The following MOV10L1 variants were observed in gnomAD, a reference collection of about 807,000 sequenced individuals.
MOV10L1 encodes the protein Mov10 like RNA helicase 1.
MOV10L1 carries 110 observed loss-of-function variants against 143.8 expected under a neutral mutation model. The ratio of observed to expected loss-of-function variants is 0.76; its 90% CI spans 0.66 to 0.90. The LOEUF (loss-of-function observed/expected upper bound fraction) is 0.90. Ranked by LOEUF, MOV10L1 falls within the 40% of genes least tolerant of loss-of-function variation. MOV10L1 has a pLI of 0.00. For synonymous variants in MOV10L1, 593 were observed against 581.1 expected, an observed-to-expected ratio of 1.02 and a Z score of -0.29; for missense variants, 1,406 against 1,526.8, an observed-to-expected ratio of 0.92 and a Z score of 1.32.
intron 5 of MOV10L1, among the ~76,000 whole-genome samples, chr22:50,111,572 C>G (rs2062022842): frequency 7.3e-6 from 1 of 137,006 alleles, no homozygotes; most frequent in Non-Finnish European, 1.5e-5. Context: ...GGCGCGATCT[C>G]TGCTCACTGC....
At chr22:50,090,490 T>C in intron 1 of MOV10L1, 1 of 1,610,446 alleles carries the variant, frequency 6.2e-7, no homozygotes, top group Non-Finnish European at 8.5e-7. Context: ...CGTTCCTCCC[T>C]GTCCGCAGCG....
intron 10 of MOV10L1, among the ~76,000 whole-genome samples, chr22:50,125,154 C>T (rs988318747): frequency 1.5e-4 from 23 of 152,188 alleles, no homozygotes; most frequent in African/African-American, 5.6e-4. Context: ...GGGAGGGACA[C>T]CGCCAGCTGG....
Position 50,152,101 on chromosome 22 carries a change from A to T in MOV10L1, c.2893-944A>T, listed in dbSNP as rs1260237595. Among the ~76,000 whole-genome samples, 3 of 152,188 alleles carry T rather than the reference A, an allele frequency of 2.0e-5. No individual in the cohort carries two copies. Among genetic ancestry groups the T allele is most frequent in the African/African-American group, 7.2e-5 (3 of 41,464 alleles). On this transcript the variant is annotated intron_variant, in intron 21 of 26. Transcript: ENST00000262794. The surrounding 1 kb of genome is among the most constrained non-coding windows in gnomAD (Gnocchi z 4.4). Reference sequence around the variant, plus strand: ...AGAGTCGGGAGGACTCACGGGGCCAATCATGGCGTTCTCGTGCCAGTGTCA... The same window carrying T: ...AGAGTCGGGAGGACTCACGGGGCCATTCATGGCGTTCTCGTGCCAGTGTCA...
At chr22:50,098,130 C>G (rs2062636557) in intron 2 of MOV10L1, among the ~76,000 whole-genome samples, 2 of 148,990 alleles carry the variant, frequency 1.3e-5, no homozygotes, top group African/African-American at 5.0e-5. Flanking sequence ...AGCTACCACA[C>G]CCAACCTGAA....
At chr22:50,147,094 T>C (rs758441134) in intron 19 of MOV10L1, 1 of 1,568,312 alleles carries the variant, frequency 6.4e-7, no homozygotes, top group Non-Finnish European at 8.6e-7. Flanking sequence ...TGCAGAGGGC[T>C]CTTTGGGGGC....
At chr22:50,121,913 C>T (rs567105393) in intron 10 of MOV10L1, among the ~76,000 whole-genome samples, 27 of 152,286 alleles carry the variant, frequency 1.8e-4, no homozygotes, top group African/African-American at 5.5e-4. Context: ...ATCTTTTATA[C>T]GAATTTTAAG....
intron 2 of MOV10L1, chr22:50,095,702 A>C (rs1194038128): frequency 6.6e-6 from 1 of 151,918 alleles, no homozygotes; most frequent in Non-Finnish European, 1.5e-5. Context: ...CAGAAATGTG[A>C]CAATGTGGAA....
intron 22 of MOV10L1, 140 bp from the exon 23 acceptor site, chr22:50,157,917 A>G: frequency 2.0e-6 from 2 of 994,704 alleles, no homozygotes; most frequent in Middle Eastern, 2.9e-4. Context: ...TGCCCTGCTC[A>G]CATGTAAGTT....
chr22:50,092,429 A>G (rs1241591276), intron 2 of MOV10L1, among the ~76,000 whole-genome samples: 5 of 152,118 alleles, frequency 3.3e-5, no homozygotes, highest in African/African-American at 1.2e-4. Flanking sequence ...TCAGGTGTTA[A>G]GAGACCAGCC....
rs541113790 is a variant in MOV10L1, at chr22:50,099,646, T to A, written c.442+44T>A. The A allele has an allele frequency of 1.9e-6, 3 of 1,575,666 alleles. No homozygotes were observed. In the East Asian group the frequency reaches 6.8e-5, roughly 36 times the overall value. On this transcript the variant is annotated intron_variant, in intron 3 of 26. Transcript: ENST00000262794. ...GTTCCACATTGAAAATTAGGTTTTGTCTTTTAAAGAATTGTTATGGACCAG... is the reference window on the plus strand; with the variant it reads ...GTTCCACATTGAAAATTAGGTTTTGACTTTTAAAGAATTGTTATGGACCAG...
chr22:50,128,786 G>A (rs987606548), intron 13 of MOV10L1, among the ~76,000 whole-genome samples: 2 of 151,024 alleles, frequency 1.3e-5, no homozygotes, highest in Non-Finnish European at 1.5e-5. Context: ...CTTGTGATAC[G>A]CTTGCCTTGG....
At chr22:50,148,058 G>C (rs986968909) in intron 19 of MOV10L1, among the ~76,000 whole-genome samples, 13 of 152,248 alleles carry the variant, frequency 8.5e-5, no homozygotes, top group African/African-American at 2.9e-4. Context: ...AGAGGTGATG[G>C]ATTTGCCCAG....
chr22:50,157,907 T>A, intron 22 of MOV10L1, 150 bp from the exon 23 acceptor site: 1 of 905,042 alleles, frequency 1.1e-6, no homozygotes, highest in Non-Finnish European at 1.7e-6. Flanking sequence ...ATATGCCATC[T>A]GCCCTGCTCA....
At position 50,108,683 on chromosome 22, in the gene MOV10L1, G is replaced by A; in HGVS notation, c.582G>A (p.Arg194=). ...TCTGCATCTCTAGCCTCTGTGGAAG[G>A]AACGGGGTGTTAGAGGAAAGCATCT... is the stretch of plus-strand genomic sequence containing the variant. ...DKVCISSLCG[R]NGVLEESIFF... The change falls in exon 5 of 27, where the codon AGG becomes AGA. Residue 194 remains arginine (R), a synonymous_variant. Transcript: ENST00000262794. 7 of 1,614,202 alleles carry A rather than the reference G, an allele frequency of 4.3e-6. No homozygotes were observed. In the African/African-American group the frequency reaches 6.7e-5, roughly 15 times the overall value.
At chr22:50,091,227 C>G (rs2062432203) in intron 1 of MOV10L1, 1 of 167,424 alleles carries the variant, frequency 6.0e-6, no homozygotes, top group East Asian at 1.9e-4. Flanking sequence ...AGCTGGAGCT[C>G]CAGCTCTTGG....
intron 13 of MOV10L1, 28 bp downstream of exon 13, chr22:50,128,535 A>G: frequency 9.5e-7 from 1 of 1,048,512 alleles, no homozygotes; most frequent in Non-Finnish European, 1.4e-6. Context: ...TCTTCTTTCA[A>G]ATGTCTTTTT....
rs2061946367 is a variant in MOV10L1, at chr22:50,108,908, GC to G, written c.743+65del. The G allele has an allele frequency of 1.4e-5, 21 of 1,517,544 alleles. No homozygotes were observed. In the Admixed American group the frequency reaches 3.7e-4, roughly 27 times the overall value. 94.0% of individuals were successfully genotyped at this position (1,517,544 alleles called of 1,614,324 possible). A position where few individuals can be genotyped will look rare whatever the true frequency, so the allele number is the denominator to read the frequency against. Reference sequence around the variant, plus strand: ...GCCTGTAATCCTAGCACTTTGGGAGGCTGAGGCAGACGGATCACCTGAGGTT... The same window carrying G: ...GCCTGTAATCCTAGCACTTTGGGAGGTGAGGCAGACGGATCACCTGAGGTT... On this transcript the variant is annotated intron_variant, in intron 5 of 26. Coordinates refer to ENST00000262794, the MANE Select transcript of MOV10L1 (RefSeq NM_018995.3).
In MOV10L1 at chr22:50,153,078, G is replaced by T; in HGVS notation, c.2926G>T (p.Glu976Ter). 6.2e-7 allele frequency: 1 copy of T among 1,611,524 alleles called. No homozygotes were observed. The highest frequency in any genetic ancestry group is 8.5e-7 in the Non-Finnish European group (1 of 1,177,996). ...TKLVKNYRSHEALLMLPSRLF... is the reference protein window; with the variant it reads ...TKLVKNYRSH ...GCTGGTGAAGAACTACCGGTCCCAC[G>T]AGGCCCTGCTGATGCTGCCCTCACG... The change falls in exon 22 of 27, where the codon GAG becomes TAG. Residue 976 changes from glutamate (E) to a stop codon, truncating the protein, a stop_gained. Coordinates refer to ENST00000262794, the MANE Select transcript of MOV10L1 (RefSeq NM_018995.3). LOFTEE classifies it high-confidence loss of function.
At chr22:50,113,912 C>CTTTTTTTT (rs67071955) in intron 6 of MOV10L1, 124 bp downstream of exon 6, 28 of 263,414 alleles carry the variant, frequency 1.1e-4, no homozygotes, top group Admixed American at 3.1e-4. Context: ...AAGATCTTTT[C>CTTTTTTTT]TTTTTTTTTT....
Sources: gnomAD v4.1 joint callset for allele counts (sites outside exome capture counted in the v4.1 genomes callset) on GRCh38, gnomAD v4.1.1 for gene constraint, Gnocchi (gnomAD v3.1) non-coding constraint, MANE v1.5 for transcripts, NCBI Gene and HGNC (gene_info 2026-07-23, HGNC 2026-07-21) for gene names.